CC2D1A: variants seen among roughly 807,000 people sequenced by gnomAD.
CC2D1A encodes the protein coiled-coil and C2 domain containing 1A.
CC2D1A carries 68 observed loss-of-function variants against 123.8 expected under a neutral mutation model. The observed-to-expected ratio is 0.55, with a 90% CI of 0.45 to 0.67. The LOEUF is 0.67. Among genes scored for constraint, CC2D1A ranks in the 30% least tolerant of loss-of-function variants. CC2D1A has a pLI of 0.00. For missense variants in CC2D1A, 1,185 were observed against 1,290.3 expected (o/e 0.92, Z 1.25); for synonymous variants, 477 against 528.0 (o/e 0.90, Z 1.32).
At position 13,913,170 on chromosome 19, in the gene CC2D1A, G is replaced by A. The variant is rs760486441; in HGVS notation, c.381G>A (p.Pro127=). Reference sequence around the variant, plus strand: ...ACTGTGCCCCTGCCCTCCCACAGCCGAAGCCTGAGGCCCCTCATCCGGGGC... The same window carrying A: ...ACTGTGCCCCTGCCCTCCCACAGCCAAAGCCTGAGGCCCCTCATCCGGGGC... The part of the protein sequence containing the change: ...ASETPPPVAQ[P]KPEAPHPGLE... Residue 127 remains proline, a splice_region_variant and synonymous_variant, in exon 5 of 29, where the codon CCG becomes CCA. Transcript: ENST00000318003. The A allele has an allele frequency of 1.6e-5, 25 of 1,606,928 alleles. No individual in the cohort carries two copies. Among genetic ancestry groups the A allele is most frequent in the African/African-American group, 4.0e-5 (3 of 74,686 alleles).
At chr19:13,912,693 C>A in intron 4 of CC2D1A, 100 bp downstream of exon 4, 1 of 1,246,432 alleles carries the variant, frequency 8.0e-7, no homozygotes, top group Non-Finnish European at 1.2e-6. Context: ...TGCTGTGTCA[C>A]CCAGGCTGGA....
In CC2D1A at chr19:13,920,911, G is replaced by T; in HGVS notation, c.1630G>T (p.Asp544Tyr). 1.2e-6 allele frequency: 2 copies of T among 1,613,240 alleles called. No homozygotes were observed. The highest frequency in any genetic ancestry group is 1.7e-6 in the Non-Finnish European group (2 of 1,179,620). ...LEASRNGLPV[D>Y]ITKVPPAPVN... ...GGCCTCGCGCAATGGGCTGCCTGTGGACATCACCAAGGTGAACCTTCTGGG... is the reference window on the plus strand; with the variant it reads ...GGCCTCGCGCAATGGGCTGCCTGTGTACATCACCAAGGTGAACCTTCTGGG... Residue 544 changes from aspartate to tyrosine, a missense_variant, in exon 14 of 29, where the codon GAC (aspartate) becomes TAC (tyrosine). By Grantham distance (160) the Asp-to-Tyr change is radical (BLOSUM62 -3). Transcript: ENST00000318003.
At chr19:13,909,644 C>A in intron 1 of CC2D1A, 179 bp from the exon 2 acceptor site, 1 of 773,844 alleles carries the variant, frequency 1.3e-6, no homozygotes, top group Non-Finnish European at 2.3e-6. Flanking sequence ...TGCCAGAGGG[C>A]CTGGCCTATC....
rs138991278 is a variant in CC2D1A, at chr19:13,928,029, C to T, written c.2453C>T (p.Thr818Ile). The part of the protein sequence containing the change: ...VIDPVPAAVP[T>I]QVAGPKGKAP... ...GACCCTGTGCCGGCAGCTGTGCCCA[C>T]AGTGAGACCCCCCACCCCCACCCAT... is the stretch of plus-strand genomic sequence containing the variant. The change falls in exon 23 of 29, where the codon ACA (threonine) becomes ATA (isoleucine). Residue 818 changes from threonine to isoleucine, a missense_variant and splice_region_variant. Physicochemically the swap from Thr to Ile is moderately conservative, Grantham distance 89. Transcript: ENST00000318003. 85 of 1,613,592 alleles carry T rather than the reference C, an allele frequency of 5.3e-5. No individual in the cohort carries two copies. The African/African-American group carries it at 6.9e-4, about 13-fold the overall frequency.
At position 13,923,180 on chromosome 19, in the gene CC2D1A, G is replaced by A. The variant is rs1338257786; in HGVS notation, c.1642-153G>A. 8.6e-6 allele frequency: 8 copies of A among 929,414 alleles called. No individual in the cohort carries two copies. The highest frequency in any genetic ancestry group is 3.4e-5 in the African/African-American group (2 of 59,606). The allele number at this position is 929,414 out of a possible 1,614,324, so 57.6% of individuals were successfully genotyped here. ...TGCACTCCAGCCTGGGCAACAGAGC[G>A]AGACTCCATCTCAAAAAAAAAAAAA... On this transcript the variant is annotated intron_variant, in intron 14 of 28. Coordinates refer to ENST00000318003, the MANE Select transcript of CC2D1A (RefSeq NM_017721.5). The surrounding 1 kb of genome is among the most constrained non-coding windows in gnomAD (Gnocchi z 5.3).
chr19:13,911,228 A>G (rs976981467), intron 2 of CC2D1A, among the ~76,000 whole-genome samples: 11 of 152,188 alleles, frequency 7.2e-5, no homozygotes, highest in Admixed American at 6.6e-4. Context: ...CCTGTCTCCA[A>G]AAAAGGTTAT....
At chr19:13,913,051 C>A (rs1372125797) in intron 4 of CC2D1A, 117 bp from the exon 5 acceptor site, 2 of 1,109,760 alleles carry the variant, frequency 1.8e-6, no homozygotes, top group African/African-American at 1.6e-5. Context: ...TTCTGCCTCA[C>A]TGGGGCAGGG....
At chr19:13,927,725 T>G in intron 22 of CC2D1A, 168 bp from the exon 23 acceptor site, 1 of 707,750 alleles carries the variant, frequency 1.4e-6, no homozygotes, top group Admixed American at 2.4e-5. Flanking sequence ...GAGCTTGCAG[T>G]GAGCCCAGAT....
chr19:13,921,933 A>T (rs1466275215), intron 14 of CC2D1A, among the ~76,000 whole-genome samples: 1 of 152,200 alleles, frequency 6.6e-6, no homozygotes, highest in Non-Finnish European at 1.5e-5. Flanking sequence ...ACAGCACCTT[A>T]TCACGGCCCA....
chr19:13,921,481 C>T lies in CC2D1A; in HGVS notation c.1641+559C>T, dbSNP rs116243944. On this transcript the variant is annotated intron_variant, in intron 14 of 28. Transcript: ENST00000318003. ...TCCTTTTTCTCTGAGCATCATTTTT[C>T]TCAGAGAAGTGGGGATGGCCACCCC... 1.8e-3 allele frequency among the ~76,000 whole-genome samples: 269 copies of T among 152,258 alleles called. 1 individual carries two copies. The highest frequency in any genetic ancestry group is 6.2e-3 in the African/African-American group (257 of 41,550).
At chr19:13,916,215 C>G (rs527525856) in intron 6 of CC2D1A, among the ~76,000 whole-genome samples, 1 of 152,224 alleles carries the variant, frequency 6.6e-6, no homozygotes, top group East Asian at 1.9e-4. Context: ...CACGATCACA[C>G]CACTGCACTC....
In CC2D1A at chr19:13,913,632, C is replaced by T. The variant is rs764603561; in HGVS notation, c.742C>T (p.Pro248Ser). The change falls in exon 6 of 29, where the codon CCC becomes TCC. Residue 248 changes from proline (P) to serine (S), a missense_variant. Pro to Ser is a moderately conservative substitution (Grantham distance 74). Transcript: ENST00000318003. ...SSPGLAKPQM[P>S]PGPCSPGPLA... ...TCCAGGCTTGGCTAAGCCCCAGATGCCCCCAGGTAGGTGATGGGCAGGGCC... is the reference window on the plus strand; with the variant it reads ...TCCAGGCTTGGCTAAGCCCCAGATGTCCCCAGGTAGGTGATGGGCAGGGCC... 1.2e-6 allele frequency: 2 copies of T among 1,602,088 alleles called. No individual in the cohort carries two copies. Among genetic ancestry groups the T allele is most frequent in the Non-Finnish European group, 1.7e-6 (2 of 1,172,748 alleles).
intron 25 of CC2D1A, 33 bp downstream of exon 25, chr19:13,929,475 A>G: frequency 6.2e-7 from 1 of 1,612,838 alleles, no homozygotes; most frequent in Middle Eastern, 1.6e-4. Context: ...TACATGGGGC[A>G]GGACTGGGGA....
intron 3 of CC2D1A, 28 bp downstream of exon 3, chr19:13,912,466 C>G: frequency 1.9e-6 from 3 of 1,613,996 alleles, no homozygotes; most frequent in Non-Finnish European, 2.5e-6. Flanking sequence ...GGTGGGGGCT[C>G]TGATCCGGTT....
At chr19:13,911,680 G>A (rs1345862324) in intron 2 of CC2D1A, among the ~76,000 whole-genome samples, 2 of 151,260 alleles carry the variant, frequency 1.3e-5, no homozygotes, top group Non-Finnish European at 2.9e-5. Context: ...TTAGCAGCGG[G>A]GATTACACGC....
At chr19:13,917,717 A>C (rs1318165081) in intron 6 of CC2D1A, among the ~76,000 whole-genome samples, 2 of 151,484 alleles carry the variant, frequency 1.3e-5, no homozygotes, top group Non-Finnish European at 2.9e-5. Context: ...GGTGGTTCAC[A>C]CCTATAATCC....
intron 17 of CC2D1A, among the ~76,000 whole-genome samples, chr19:13,925,568 C>G (rs1365710752): frequency 6.7e-6 from 1 of 149,960 alleles, no homozygotes; most frequent in African/African-American, 2.5e-5. Flanking sequence ...CAGAGTGAGA[C>G]TGTCTCAAAA....
At chr19:13,924,948 C>T (rs1971541439) in intron 17 of CC2D1A, among the ~76,000 whole-genome samples, 1 of 152,064 alleles carries the variant, frequency 6.6e-6, no homozygotes, top group Non-Finnish European at 1.5e-5. Context: ...TCTTTTTGGT[C>T]CCTCCTACAA....
chr19:13,908,082 T>C (rs1379028818), intron 1 of CC2D1A, among the ~76,000 whole-genome samples: 6 of 152,162 alleles, frequency 3.9e-5, no homozygotes, highest in African/African-American at 1.2e-4. Context: ...CTCGGCCCAC[T>C]GCAACCTCCG....
Sources: gnomAD v4.1 joint callset for allele counts (sites outside exome capture counted in the v4.1 genomes callset) on GRCh38, gnomAD v4.1.1 for gene constraint, Gnocchi (gnomAD v3.1) non-coding constraint, MANE v1.5 for transcripts, NCBI Gene and HGNC (gene_info 2026-07-23, HGNC 2026-07-21) for gene names.